Variants in MALRD1 observed in about 807,000 individuals in gnomAD.
MALRD1 encodes MAM and LDL receptor class A domain containing 1.
In MALRD1, 247 loss-of-function variants were observed where a neutral mutation model predicts 242.1. The observed-to-expected ratio is 1.02, with a 90% CI of 0.92 to 1.13. MALRD1 has a LOEUF of 1.13. Ranked by LOEUF, MALRD1 falls within the 50% of genes most tolerant of loss-of-function variation. MALRD1 has a pLI of 0.00. For missense variants in MALRD1, 2,989 were observed against 2,533.1 expected (o/e 1.18, Z -3.86); for synonymous variants, 995 against 866.6 (o/e 1.15, Z -2.60).
In MALRD1 at chr10:19,728,811, A is replaced by G. The variant is rs1201947750; in HGVS notation, c.6315-1895A>G. 6.6e-5 allele frequency among the ~76,000 whole-genome samples: 10 copies of G among 152,308 alleles called. No individual in the cohort carries two copies. In the East Asian group the frequency reaches 1.2e-3, roughly 18 times the overall value. On this transcript the variant is annotated intron_variant, in intron 38 of 39. Coordinates refer to ENST00000454679, the MANE Select transcript of MALRD1 (RefSeq NM_001142308.3). ...CCTACCCAATCTCAACTCCAAGATC[A>G]TCCCTGGCTCAGTTCATGCACTAAC... is the stretch of plus-strand genomic sequence containing the variant.
At chr10:19,127,168 T>C (rs1457165830) in intron 7 of MALRD1, among the ~76,000 whole-genome samples, 1 of 152,204 alleles carries the variant, frequency 6.6e-6, no homozygotes, top group African/African-American at 2.4e-5. Context: ...TGATGGGCAT[T>C]TGGGTTGATT....
At chr10:19,124,393 G>C in intron 6 of MALRD1, 131 bp from the exon 7 acceptor site, 1 of 833,632 alleles carries the variant, frequency 1.2e-6, no homozygotes, top group Non-Finnish European at 1.6e-6. Flanking sequence ...ATCCAAACTT[G>C]CAGATATAAA....
At chr10:19,407,232 A>G (rs1203962952) in intron 28 of MALRD1, among the ~76,000 whole-genome samples, 4 of 152,132 alleles carry the variant, frequency 2.6e-5, no homozygotes, top group Non-Finnish European at 4.4e-5. Context: ...CATTTTGGGA[A>G]GCTGAGGCAG....
chr10:19,437,596 G>A (rs1834402210), intron 28 of MALRD1, among the ~76,000 whole-genome samples: 1 of 151,714 alleles, frequency 6.6e-6, no homozygotes, highest in Non-Finnish European at 1.5e-5. Context: ...CATTCACATT[G>A]CTTGTCTTTT....
intron 35 of MALRD1, among the ~76,000 whole-genome samples, chr10:19,610,321 C>T (rs887964584): frequency 1.3e-5 from 2 of 151,866 alleles, no homozygotes; most frequent in African/African-American, 2.4e-5. Context: ...AAAACTTATT[C>T]CTTCTATCTA....
chr10:19,512,337 T>C (rs1385679214), intron 31 of MALRD1, among the ~76,000 whole-genome samples: 1 of 152,194 alleles, frequency 6.6e-6, no homozygotes, highest in Non-Finnish European at 1.5e-5. Context: ...GACTATTTGA[T>C]AAGATTTCAT....
chr10:19,460,752 C>G (rs1835899003), intron 29 of MALRD1, among the ~76,000 whole-genome samples: 1 of 152,034 alleles, frequency 6.6e-6, no homozygotes, highest in Non-Finnish European at 1.5e-5. Context: ...ATGTTTAAGG[C>G]TGTTGAATTT....
Position 19,169,835 on chromosome 10 carries a change from A to AGG in MALRD1, c.1830+4027_1830+4028dup, listed in dbSNP as rs545336239. On this transcript the variant is annotated intron_variant, in intron 13 of 39. Coordinates refer to ENST00000454679, the MANE Select transcript of MALRD1 (RefSeq NM_001142308.3). ...TAAGATTAGTAGCCTGAGTCATTTAAGGGTGACCTTAGTCATTGTCTAGCT... is the reference window on the plus strand; with the variant it reads ...TAAGATTAGTAGCCTGAGTCATTTAAGGGGGTGACCTTAGTCATTGTCTAGCT... Among the ~76,000 whole-genome samples, 35 of 152,368 alleles carry AGG rather than the reference A, an allele frequency of 2.3e-4. No individual in the cohort carries two copies. In the East Asian group the frequency reaches 6.7e-3, roughly 29 times the overall value.
chr10:19,324,749 T>G (rs1238818862), intron 22 of MALRD1, among the ~76,000 whole-genome samples: 1 of 151,968 alleles, frequency 6.6e-6, no homozygotes, highest in Non-Finnish European at 1.5e-5. Context: ...TTTTATAAAC[T>G]TGATATTTTA....
chr10:19,148,967 A>C (rs181981962), intron 11 of MALRD1, among the ~76,000 whole-genome samples: 1 of 151,958 alleles, frequency 6.6e-6, no homozygotes, highest in Non-Finnish European at 1.5e-5. Flanking sequence ...TTTCTGGTAG[A>C]GTCAGAGGCA....
In MALRD1 at chr10:19,123,324, T is replaced by TGTGTGA. The variant is rs368687001; in HGVS notation, c.695-167_695-166insTGTGAG. Among the ~76,000 whole-genome samples the TGTGTGA allele has an allele frequency of 3.8e-4, 58 of 150,852 alleles. No homozygotes were observed. The East Asian group carries it at 6.0e-3, about 16-fold the overall frequency. ...GTGTGTATGTGTGTGTGTGTGTGTG[T>TGTGTGA]GAGAGAGAGAGAGAGAAAGAGATAG... On this transcript the variant is annotated intron_variant, in intron 5 of 39. Coordinates refer to ENST00000454679, the MANE Select transcript of MALRD1 (RefSeq NM_001142308.3).
chr10:19,552,749 T>C (rs1363062350), intron 32 of MALRD1, among the ~76,000 whole-genome samples: 7 of 152,146 alleles, frequency 4.6e-5, no homozygotes, highest in Admixed American at 1.3e-4. Context: ...TTTTTTTCAG[T>C]GTTTGCTTTT....
intron 31 of MALRD1, among the ~76,000 whole-genome samples, chr10:19,520,425 C>G (rs377383991): frequency 2.5e-4 from 38 of 151,722 alleles, no homozygotes; most frequent in African/African-American, 8.7e-4. Flanking sequence ...TGTTTTCTTC[C>G]TACATATCAG....
intron 36 of MALRD1, among the ~76,000 whole-genome samples, chr10:19,630,475 T>C (rs1249634166): frequency 6.6e-6 from 1 of 152,176 alleles, no homozygotes; most frequent in East Asian, 1.9e-4. Context: ...TTTCTAAGAA[T>C]TACATTTTTC....
chr10:19,617,645 A>G (rs1319965099), intron 36 of MALRD1, among the ~76,000 whole-genome samples: 1 of 152,004 alleles, frequency 6.6e-6, no homozygotes, highest in Non-Finnish European at 1.5e-5. Flanking sequence ...AACTCTTGAC[A>G]CTCAAATCCT....
intron 32 of MALRD1, among the ~76,000 whole-genome samples, chr10:19,531,754 G>T (rs530529106): frequency 6.6e-6 from 1 of 152,258 alleles, no homozygotes; most frequent in African/African-American, 2.4e-5. Flanking sequence ...GAGACTTTAA[G>T]TATATATCAG....
At chr10:19,587,575 A>C (rs1369630049) in intron 33 of MALRD1, among the ~76,000 whole-genome samples, 1 of 152,256 alleles carries the variant, frequency 6.6e-6, no homozygotes, top group Non-Finnish European at 1.5e-5. Flanking sequence ...ATTTCATTGC[A>C]AATTATCAGT....
In MALRD1 at chr10:19,256,787, G is replaced by A. The variant is rs560436110; in HGVS notation, c.2992-897G>A. Among the ~76,000 whole-genome samples, 5 of 152,164 alleles carry A rather than the reference G, an allele frequency of 3.3e-5. No homozygotes were observed. The South Asian group carries it at 8.3e-4, about 25-fold the overall frequency. On this transcript the variant is annotated intron_variant, in intron 18 of 39. Coordinates refer to ENST00000454679, the MANE Select transcript of MALRD1 (RefSeq NM_001142308.3). ...GTGGTAATTTTCAATGAAGGCTAGA[G>A]CTTGAAAAGTAAAACTTCAACTCCC...
At chr10:19,566,930 T>C (rs1836282398) in intron 32 of MALRD1, among the ~76,000 whole-genome samples, 1 of 152,108 alleles carries the variant, frequency 6.6e-6, no homozygotes, top group South Asian at 2.1e-4. Flanking sequence ...TGTATGTTTG[T>C]TGGTTTCAAA....
Sources: gnomAD v4.1 joint callset for allele counts (sites outside exome capture counted in the v4.1 genomes callset) on GRCh38, gnomAD v4.1.1 for gene constraint, MANE v1.5 for transcripts, NCBI Gene and HGNC (gene_info 2026-07-23, HGNC 2026-07-21) for gene names.